The following RAPGEF2 variants were observed in gnomAD, a reference collection of about 807,000 sequenced individuals.
RAPGEF2 encodes the protein PDZ domain containing guanine nucleotide exchange factor (GEF) 1.
RAPGEF2 carries 54 observed loss-of-function variants against 186.7 expected under a neutral mutation model. The observed-to-expected ratio is 0.29, with a 90% CI of 0.23 to 0.36. RAPGEF2 has a LOEUF of 0.36. Among genes scored for constraint, RAPGEF2 ranks in the 10% least tolerant of loss-of-function variants. The pLI, the probability that RAPGEF2 is intolerant of heterozygous loss-of-function variation, is 1.00. For missense variants in RAPGEF2, 1,532 were observed against 2,045.0 expected (o/e 0.75, Z 4.84); for synonymous variants, 712 against 705.9 (o/e 1.01, Z -0.14).
chr4:159,216,465 A>G (rs1182173329), intron 4 of RAPGEF2, among the ~76,000 whole-genome samples: 3 of 152,146 alleles, frequency 2.0e-5, no homozygotes, highest in African/African-American at 4.8e-5. Flanking sequence ...CAGAAAGAAA[A>G]TGTGGACATG....
chr4:159,104,553 A>AGAGAGAGAGGGAGAGAGTGTGTGT (rs1553991869), intron 1 of RAPGEF2, among the ~76,000 whole-genome samples: 10 of 136,114 alleles, frequency 7.3e-5, no homozygotes, highest in African/African-American at 2.9e-4. Flanking sequence ...AGAGAGAGAG[A>AGAGAGAGAGGGAGAGAGTGTGTGT]GTGTGTGTGT....
intron 1 of RAPGEF2, among the ~76,000 whole-genome samples, chr4:159,133,480 C>G (rs896852957): frequency 3.3e-5 from 5 of 151,224 alleles, no homozygotes; most frequent in African/African-American, 1.2e-4. Context: ...GGTGCGATCT[C>G]AGCTCACTGC....
At chr4:159,245,662 T>C (rs1754543726) in intron 7 of RAPGEF2, among the ~76,000 whole-genome samples, 1 of 151,990 alleles carries the variant, frequency 6.6e-6, no homozygotes, top group South Asian at 2.1e-4. Flanking sequence ...ATATTAAAAA[T>C]GGAGAGGAGA....
intron 8 of RAPGEF2, among the ~76,000 whole-genome samples, chr4:159,306,345 C>T (rs1334509779): frequency 6.6e-6 from 1 of 152,054 alleles, no homozygotes; most frequent in East Asian, 1.9e-4. Flanking sequence ...AGCTCTTTCA[C>T]CTCCTTGGTC....
chr4:159,108,256 C>G (rs1436101452), intron 1 of RAPGEF2, among the ~76,000 whole-genome samples: 1 of 152,082 alleles, frequency 6.6e-6, no homozygotes, highest in Non-Finnish European at 1.5e-5. Flanking sequence ...ATTAACAGTT[C>G]CATAATTAGC....
chr4:159,167,511 G>C (rs775822850), intron 1 of RAPGEF2, among the ~76,000 whole-genome samples: 1 of 152,212 alleles, frequency 6.6e-6, no homozygotes, highest in Non-Finnish European at 1.5e-5. Context: ...ATGTTGGGCC[G>C]GGAAAGACCC....
chr4:159,351,021 A>G (rs757679027), intron 26 of RAPGEF2: 5 of 1,505,676 alleles, frequency 3.3e-6, no homozygotes, highest in South Asian at 2.4e-5. Flanking sequence ...TCCTTGTTAC[A>G]TGGATGCATC....
At chr4:159,230,024 G>A (rs13139002) in intron 4 of RAPGEF2, among the ~76,000 whole-genome samples, 93,614 of 152,046 alleles carry the variant, frequency 0.62, 29,979 homozygotes, top group African/African-American at 0.74. Flanking sequence ...CTGAAATTAC[G>A]TTGAGATTGA....
At position 159,224,496 on chromosome 4, in the gene RAPGEF2, C is replaced by T. The variant is rs368950432; in HGVS notation, c.281+13913C>T. ...TGGGGCAAGACTTTCAAAGTAATTG[C>T]CCAAGGTAGAGATTTTCAAACCAGG... On this transcript the variant is annotated intron_variant, in intron 4 of 29. Transcript: ENST00000691494. Among the ~76,000 whole-genome samples, 69 of 152,208 alleles carry T rather than the reference C, an allele frequency of 4.5e-4. No homozygotes were observed. In the Middle Eastern group the frequency reaches 0.014, roughly 30 times the overall value.
chr4:159,106,569 A>G (rs1424403291), intron 1 of RAPGEF2, among the ~76,000 whole-genome samples: 1 of 152,238 alleles, frequency 6.6e-6, no homozygotes, highest in Non-Finnish European at 1.5e-5. Context: ...GCTTGATATC[A>G]TGAACAGAAG....
chr4:159,242,344 C>T (rs1350878377), intron 6 of RAPGEF2, among the ~76,000 whole-genome samples: 11 of 151,514 alleles, frequency 7.3e-5, no homozygotes, highest in Admixed American at 6.6e-4. Context: ...AGTTGTTTTC[C>T]TTTACCTTTT....
intron 1 of RAPGEF2, among the ~76,000 whole-genome samples, chr4:159,163,990 GTAT>G (rs1744997815): frequency 6.6e-6 from 1 of 151,902 alleles, no homozygotes; most frequent in African/African-American, 2.4e-5. Flanking sequence ...ATGATAACAT[GTAT>G]CAGTAGTACT....
At chr4:159,317,943 C>A (rs563343698) in intron 9 of RAPGEF2, among the ~76,000 whole-genome samples, 1 of 152,088 alleles carries the variant, frequency 6.6e-6, no homozygotes, top group East Asian at 1.9e-4. Flanking sequence ...AAATACATGT[C>A]TGTCATTCTT....
At chr4:159,286,016 T>C (rs1289706425) in intron 7 of RAPGEF2, among the ~76,000 whole-genome samples, 2 of 149,416 alleles carry the variant, frequency 1.3e-5, no homozygotes, top group East Asian at 4.0e-4. Flanking sequence ...TCTTAACACT[T>C]AACTGTTCCC....
At chr4:159,324,881 A>G (rs1436754258) in intron 11 of RAPGEF2, among the ~76,000 whole-genome samples, 3 of 152,206 alleles carry the variant, frequency 2.0e-5, no homozygotes, top group South Asian at 2.1e-4. Flanking sequence ...GACGTCTTCT[A>G]AAAGAATTTG....
chr4:159,329,808 G>T, intron 11 of RAPGEF2, 50 bp from the exon 12 acceptor site: 1 of 1,508,468 alleles, frequency 6.6e-7, no homozygotes. Flanking sequence ...GTACTGCTAG[G>T]TCTTTTGCAA....
intron 1 of RAPGEF2, among the ~76,000 whole-genome samples, chr4:159,158,632 G>A (rs1744373157): frequency 6.6e-6 from 1 of 152,070 alleles, no homozygotes; most frequent in African/African-American, 2.4e-5. Flanking sequence ...ACCCTTGGTG[G>A]TCGCAAACAA....
At chr4:159,343,429 C>A in intron 22 of RAPGEF2, 25 bp downstream of exon 22, 1 of 1,611,346 alleles carries the variant, frequency 6.2e-7, no homozygotes. Flanking sequence ...TTCAGTGGCA[C>A]GTGTGAGAGT....
chr4:159,249,285 CTTTTTTT>C (rs34205767), intron 7 of RAPGEF2, among the ~76,000 whole-genome samples: 2 of 123,228 alleles, frequency 1.6e-5, no homozygotes, highest in Admixed American at 8.1e-5. Context: ...AAAAAAGTCT[CTTTTTTT>C]TTTTTTTTTT....
Sources: gnomAD v4.1 joint callset for allele counts (sites outside exome capture counted in the v4.1 genomes callset) on GRCh38, gnomAD v4.1.1 for gene constraint, MANE v1.5 for transcripts, NCBI Gene and HGNC (gene_info 2026-07-23, HGNC 2026-07-21) for gene names.